DLG2: variants seen among roughly 807,000 people sequenced by gnomAD.
DLG2 encodes the protein discs large MAGUK scaffold protein 2.
DLG2 carries 45 observed loss-of-function variants against 132.5 expected under a neutral mutation model. The observed-to-expected ratio is 0.34, with a 90% CI of 0.27 to 0.44. DLG2 has a LOEUF of 0.44. Among genes scored for constraint, DLG2 ranks in the 20% least tolerant of loss-of-function variants. DLG2 has a pLI of 1.00. For missense variants in DLG2, 1,045 were observed against 1,196.9 expected (o/e 0.87, Z 1.87); for synonymous variants, 424 against 419.6 (o/e 1.01, Z -0.13).
chr11:84,140,882 T>C (rs1176928835), intron 9 of DLG2, among the ~76,000 whole-genome samples: 1 of 152,166 alleles, frequency 6.6e-6, no homozygotes, highest in African/African-American at 2.4e-5. Context: ...ATATTTTCCA[T>C]GTTTGCTGGT....
intron 4 of DLG2, among the ~76,000 whole-genome samples, chr11:85,269,053 A>G (rs941152236): frequency 1.3e-5 from 2 of 152,244 alleles, no homozygotes; most frequent in Non-Finnish European, 2.9e-5. Context: ...TTCTAACCAT[A>G]TAGCTACTAG....
At chr11:85,523,406 T>C (rs1388144142) in intron 3 of DLG2, among the ~76,000 whole-genome samples, 3 of 151,904 alleles carry the variant, frequency 2.0e-5, no homozygotes, top group Non-Finnish European at 2.9e-5. Flanking sequence ...TAATCCAACT[T>C]AAAAATGGGA....
At chr11:84,746,442 T>C (rs1324950190) in intron 6 of DLG2, among the ~76,000 whole-genome samples, 1 of 108,608 alleles carries the variant, frequency 9.2e-6, no homozygotes, top group African/African-American at 3.3e-5. Flanking sequence ...TTAGACTTGA[T>C]TAAAAAAAAA....
At chr11:84,353,034 G>A (rs2098589263) in intron 7 of DLG2, among the ~76,000 whole-genome samples, 1 of 152,056 alleles carries the variant, frequency 6.6e-6, no homozygotes, top group Non-Finnish European at 1.5e-5. Context: ...GCACTTAAAT[G>A]TGTTCAAATA....
At chr11:84,510,437 C>G (rs1238964299) in intron 7 of DLG2, among the ~76,000 whole-genome samples, 1 of 152,012 alleles carries the variant, frequency 6.6e-6, no homozygotes, top group Non-Finnish European at 1.5e-5. Context: ...AAGGGTTTGG[C>G]TCCAAATTAC....
intron 6 of DLG2, among the ~76,000 whole-genome samples, chr11:84,982,684 A>T (rs1477503539): frequency 6.6e-6 from 1 of 152,162 alleles, no homozygotes; most frequent in Non-Finnish European, 1.5e-5. Flanking sequence ...ATCCTTAAAC[A>T]AAATATCCTC....
intron 6 of DLG2, among the ~76,000 whole-genome samples, chr11:84,742,075 T>C (rs901520999): frequency 5.3e-5 from 8 of 151,824 alleles, no homozygotes; most frequent in Admixed American, 5.2e-4. Context: ...AGAAGAAACA[T>C]TTTCTCAACT....
At chr11:83,521,421 T>C (rs973883540) in intron 21 of DLG2, among the ~76,000 whole-genome samples, 1 of 152,226 alleles carries the variant, frequency 6.6e-6, no homozygotes, top group Non-Finnish European at 1.5e-5. Flanking sequence ...TGACCTGGGT[T>C]GGTTTTCAGT....
chr11:85,170,339 CG>C (rs2078761667), intron 4 of DLG2, among the ~76,000 whole-genome samples: 1 of 152,042 alleles, frequency 6.6e-6, no homozygotes, highest in Non-Finnish European at 1.5e-5. Flanking sequence ...ATACTTGCCT[CG>C]TAAGAACCTT....
At chr11:84,529,023 A>C (rs950620532) in intron 7 of DLG2, among the ~76,000 whole-genome samples, 1 of 152,192 alleles carries the variant, frequency 6.6e-6, no homozygotes, top group African/African-American at 2.4e-5. Flanking sequence ...CAGGCTGGGA[A>C]TATTTACATC....
chr11:85,139,204 T>A (rs2076306440), intron 5 of DLG2, among the ~76,000 whole-genome samples: 1 of 152,056 alleles, frequency 6.6e-6, no homozygotes, highest in Non-Finnish European at 1.5e-5. Context: ...ATCTCCCCTA[T>A]CTGAAGTTTA....
At chr11:84,342,036 T>C (rs10898226) in intron 7 of DLG2, among the ~76,000 whole-genome samples, 60,669 of 152,140 alleles carry the variant, frequency 0.4, 16,652 homozygotes, top group African/African-American at 0.79. Flanking sequence ...ACATATACAA[T>C]GTCCTAACCT....
chr11:85,018,699 C>T (rs1034577630), intron 6 of DLG2, among the ~76,000 whole-genome samples: 2 of 151,128 alleles, frequency 1.3e-5, no homozygotes, highest in South Asian at 2.1e-4. Context: ...CAAGTAAGTA[C>T]GATTAATATG....
Position 85,427,429 on chromosome 11 carries a change from T to C in DLG2, c.41-142064A>G, listed in dbSNP as rs184235473. Among the ~76,000 whole-genome samples the C allele has an allele frequency of 4.1e-3, 619 of 152,326 alleles. 4 individuals carry two copies. Among genetic ancestry groups the C allele is most frequent in the African/African-American group, 0.013 (557 of 41,576 alleles). On this transcript the variant is annotated intron_variant, in intron 3 of 27. Coordinates refer to ENST00000376104, the MANE Select transcript of DLG2 (RefSeq NM_001142699.3). Reference sequence around the variant, plus strand: ...GCCATCAGACTAACAGCTGATCTCTTGGCAGAAACTCTACAAGCCAGAAGA... The same window carrying C: ...GCCATCAGACTAACAGCTGATCTCTCGGCAGAAACTCTACAAGCCAGAAGA...
At chr11:84,321,069 C>A (rs1227125111) in intron 7 of DLG2, among the ~76,000 whole-genome samples, 1 of 152,200 alleles carries the variant, frequency 6.6e-6, no homozygotes, top group Non-Finnish European at 1.5e-5. Context: ...CTAAACTATA[C>A]TTCTACCAGA....
chr11:84,453,839 ATGG>A (rs1181762817), intron 7 of DLG2, among the ~76,000 whole-genome samples: 1 of 151,628 alleles, frequency 6.6e-6, no homozygotes, highest in Non-Finnish European at 1.5e-5. Flanking sequence ...TGCCTATCAT[ATGG>A]TCTCTGTTTT....
chr11:83,750,015 T>C lies in DLG2; in HGVS notation c.1825+36675A>G, dbSNP rs1446220318. ...GGTTGTTATGAACTAATTTGATACA[T>C]GTTACCTTTCACTTTTAGGGAGGGG... is the stretch of plus-strand genomic sequence containing the variant. On this transcript the variant is annotated intron_variant, in intron 18 of 27. Transcript: ENST00000376104. Among the ~76,000 whole-genome samples the C allele has an allele frequency of 2.6e-5, 4 of 152,224 alleles. No homozygotes were observed. The East Asian group carries it at 5.8e-4, about 22-fold the overall frequency.
intron 6 of DLG2, among the ~76,000 whole-genome samples, chr11:85,074,195 T>A (rs1042922210): frequency 1.3e-5 from 2 of 151,874 alleles, no homozygotes; most frequent in African/African-American, 2.4e-5. Context: ...CCCTGCAACA[T>A]GCAATTTACC....
intron 7 of DLG2, among the ~76,000 whole-genome samples, chr11:84,270,815 A>C (rs892423765): frequency 6.6e-6 from 1 of 152,144 alleles, no homozygotes; most frequent in African/African-American, 2.4e-5. Flanking sequence ...GACATTGTTC[A>C]TTTTCAAGTA....
Sources: gnomAD v4.1 joint callset for allele counts (sites outside exome capture counted in the v4.1 genomes callset) on GRCh38, gnomAD v4.1.1 for gene constraint, MANE v1.5 for transcripts, NCBI Gene and HGNC (gene_info 2026-07-23, HGNC 2026-07-21) for gene names.